The following NCAM1 variants were observed in gnomAD, a reference collection of about 807,000 sequenced individuals.
The protein encoded by NCAM1 is neural cell adhesion molecule 1, also known as antigen recognized by monoclonal antibody 5.1H11.
In NCAM1, 14 loss-of-function variants were observed where a neutral mutation model predicts 109.8. The ratio of observed to expected loss-of-function variants is 0.13; its 90% confidence interval spans 0.08 to 0.20. The LOEUF is 0.20. Ranked by LOEUF, NCAM1 falls within the 10% of genes least tolerant of loss-of-function variation. NCAM1 has a pLI of 1.00. For missense variants in NCAM1, 774 were observed against 1,109.9 expected, an observed-to-expected ratio of 0.70 and a Z score of 4.30; for synonymous variants, 418 against 442.9, an observed-to-expected ratio of 0.94 and a Z score of 0.70.
chr11:113,122,200 A>G (rs76012832), intron 1 of NCAM1, among the ~76,000 whole-genome samples: 2,898 of 152,346 alleles, frequency 0.019, 86 homozygotes, highest in African/African-American at 0.066. Context: ...TTGTGAGAGC[A>G]AAACTTTCAG....
At chr11:113,167,453 A>G (rs1942840951) in intron 1 of NCAM1, among the ~76,000 whole-genome samples, 1 of 151,528 alleles carries the variant, frequency 6.6e-6, no homozygotes, top group Non-Finnish European at 1.5e-5. Flanking sequence ...ACTTCTCCAC[A>G]GGCCTTCCTG....
chr11:112,971,240 C>G (rs1484691103), intron 1 of NCAM1, among the ~76,000 whole-genome samples: 2 of 151,986 alleles, frequency 1.3e-5, no homozygotes, highest in Non-Finnish European at 2.9e-5. Flanking sequence ...CTCTCTCTCT[C>G]TCTCTGTCTC....
At chr11:113,045,650 T>C (rs141673475) in intron 1 of NCAM1, among the ~76,000 whole-genome samples, 79 of 152,318 alleles carry the variant, frequency 5.2e-4, no homozygotes, top group African/African-American at 1.8e-3. Flanking sequence ...GATACGATAA[T>C]ATATCGCAAA....
chr11:113,236,204 G>T, intron 14 of NCAM1: 1 of 1,290,050 alleles, frequency 7.8e-7, no homozygotes, highest in Admixed American at 1.9e-5. Flanking sequence ...CATGTGCTCT[G>T]CGGATTCTAT....
At chr11:113,178,587 G>C (rs782030875) in intron 1 of NCAM1, among the ~76,000 whole-genome samples, 3 of 152,094 alleles carry the variant, frequency 2.0e-5, no homozygotes, top group African/African-American at 4.8e-5. Context: ...CTGCTTTTTT[G>C]CAAGTTTCTG....
Position 113,276,745 on chromosome 11 carries a change from GAAAC to G in NCAM1, c.*1361_*1364del, listed in dbSNP as rs1946404985. The G allele has an allele frequency of 7.3e-6, 1 of 137,634 alleles. No individual in the cohort carries two copies. Among genetic ancestry groups the G allele is most frequent in the African/African-American group, 2.7e-5 (1 of 36,742 alleles). 8.5% of individuals were successfully genotyped at this position (137,634 alleles called of 1,614,324 possible). A position where few individuals can be genotyped will look rare whatever the true frequency, so the allele number is the denominator to read the frequency against. On this transcript the variant is annotated 3_prime_UTR_variant, in exon 20 of 20. Coordinates refer to ENST00000316851, the MANE Select transcript of NCAM1 (RefSeq NM_181351.5). ...GCATTTATAGAAACAAAAGAAGAAAGAAACAACCTACTGTCTGGAGTCATAACAC... is the reference window on the plus strand; with the variant it reads ...GCATTTATAGAAACAAAAGAAGAAAGAACCTACTGTCTGGAGTCATAACAC...
intron 1 of NCAM1, among the ~76,000 whole-genome samples, chr11:113,107,414 A>T (rs1292679808): frequency 1.3e-5 from 2 of 152,216 alleles, no homozygotes; most frequent in African/African-American, 4.8e-5. Flanking sequence ...GAAGAAAGAA[A>T]AGACTACTAC....
rs71698389 is a variant in NCAM1, at chr11:113,017,635, T to TTGTGTGTGTG, written c.52+55987_52+55996dup. ...AATAAAGTCAGCCATCAGTACTGTT[T>TTGTGTGTGTG]TGTGTGTGTGTGTGTGTGTGTGTGT... On this transcript the variant is annotated intron_variant, in intron 1 of 19. Coordinates refer to ENST00000316851, the MANE Select transcript of NCAM1 (RefSeq NM_181351.5). 9.6e-5 allele frequency among the ~76,000 whole-genome samples: 14 copies of TTGTGTGTGTG among 145,276 alleles called. 1 individual carries two copies. Among genetic ancestry groups the TTGTGTGTGTG allele is most frequent in the South Asian group, 2.3e-4 (1 of 4,404 alleles).
chr11:113,223,499 C>T (rs1555115681), intron 9 of NCAM1, among the ~76,000 whole-genome samples: 1 of 152,122 alleles, frequency 6.6e-6, no homozygotes, highest in Non-Finnish European at 1.5e-5. Context: ...TTCTAAGCTT[C>T]CCTTCAACCA....
At chr11:113,272,118 A>C (rs1380291292) in intron 19 of NCAM1, among the ~76,000 whole-genome samples, 1 of 151,590 alleles carries the variant, frequency 6.6e-6, no homozygotes, top group African/African-American at 2.4e-5. Context: ...GGATCCCTGG[A>C]TCCCTAGCCC....
At chr11:113,271,946 C>G in intron 19 of NCAM1, 70 bp downstream of exon 19, 1 of 1,223,378 alleles carries the variant, frequency 8.2e-7, no homozygotes, top group Non-Finnish European at 1.1e-6. Context: ...ACCCTACCCC[C>G]ACCTCCCGTG....
intron 1 of NCAM1, among the ~76,000 whole-genome samples, chr11:113,103,265 A>G (rs1217801316): frequency 6.6e-6 from 1 of 152,224 alleles, no homozygotes; most frequent in Non-Finnish European, 1.5e-5. Flanking sequence ...GTCCAAATTG[A>G]TAAGAAGTAG....
chr11:113,084,646 C>G (rs1317839867), intron 1 of NCAM1, among the ~76,000 whole-genome samples: 1 of 152,134 alleles, frequency 6.6e-6, no homozygotes, highest in Non-Finnish European at 1.5e-5. Flanking sequence ...CCTCCTGATT[C>G]GGTGCTCCTC....
intron 1 of NCAM1, among the ~76,000 whole-genome samples, chr11:113,153,450 G>A (rs530250421): frequency 3.9e-4 from 51 of 129,510 alleles, no homozygotes; most frequent in African/African-American, 1.7e-3. Context: ...CAGAGACAGA[G>A]AGTGAGAGAG....
At chr11:113,227,854 G>A (rs1468262886) in intron 9 of NCAM1, among the ~76,000 whole-genome samples, 1 of 152,202 alleles carries the variant, frequency 6.6e-6, no homozygotes, top group Non-Finnish European at 1.5e-5. Flanking sequence ...CTCAACAGAT[G>A]CAGAAAAGGC....
intron 1 of NCAM1, among the ~76,000 whole-genome samples, chr11:113,042,072 C>A (rs992102894): frequency 6.6e-6 from 1 of 152,184 alleles, no homozygotes; most frequent in Non-Finnish European, 1.5e-5. Flanking sequence ...CCTCTGGTAC[C>A]TATTTCATCA....
chr11:113,004,181 A>G (rs557153450), intron 1 of NCAM1, among the ~76,000 whole-genome samples: 1 of 152,344 alleles, frequency 6.6e-6, no homozygotes, highest in East Asian at 1.9e-4. Flanking sequence ...GTACTTACAC[A>G]CACATATATA....
chr11:113,231,904 C>T lies in NCAM1; in HGVS notation c.1240+109C>T, dbSNP rs186427254. 3.0e-3 allele frequency: 4,251 copies of T among 1,416,420 alleles called. 7 individuals are homozygous for T. Among genetic ancestry groups the T allele is most frequent in the Non-Finnish European group, 3.8e-3 (3,897 of 1,023,150 alleles). 87.7% of individuals were successfully genotyped at this position (1,416,420 alleles called of 1,614,324 possible). ...ATGTGCACCCTGTGTGTTCTGCTTA[C>T]GTTCCCTGCAGCTGACCCTGGGCTA... is the stretch of plus-strand genomic sequence containing the variant. On this transcript the variant is annotated intron_variant, in intron 10 of 19. Coordinates refer to ENST00000316851, the MANE Select transcript of NCAM1 (RefSeq NM_181351.5).
intron 1 of NCAM1, among the ~76,000 whole-genome samples, chr11:113,082,408 G>A (rs7951034): frequency 0.071 from 10,762 of 151,132 alleles, 667 homozygotes; most frequent in East Asian, 0.35. Context: ...CAGCGCTGTG[G>A]TAGTCTTATT....
Sources: allele counts gnomAD v4.1 joint callset (sites outside exome capture counted in the v4.1 genomes callset), GRCh38; gene constraint gnomAD v4.1.1; transcripts MANE v1.5; gene names NCBI Gene and HGNC (gene_info 2026-07-23, HGNC 2026-07-21).